Variants in SH3PXD2B observed in about 807,000 individuals in gnomAD.
SH3PXD2B encodes SH3 and PX domains 2B.
A neutral mutation model predicts 73.1 loss-of-function variants in SH3PXD2B; 37 were observed. That is an observed-to-expected ratio of 0.51 (90% CI 0.39 to 0.67). The LOEUF (loss-of-function observed/expected upper bound fraction) is 0.67, where lower values mean the gene tolerates loss of function less well. SH3PXD2B is among the 30% of genes least tolerant of loss of function. The pLI is 0.00. For synonymous variants in SH3PXD2B, 457 were observed against 480.5 expected (o/e 0.95, Z 0.64); for missense variants, 1,053 against 1,197.8 (o/e 0.88, Z 1.78).
At chr5:172,369,208 T>C (rs1015550081) in intron 6 of SH3PXD2B, among the ~76,000 whole-genome samples, 1 of 149,438 alleles carries the variant, frequency 6.7e-6, no homozygotes, top group African/African-American at 2.5e-5. Flanking sequence ...TGTTTTTATG[T>C]ATTTTTTTTG....
intron 2 of SH3PXD2B, among the ~76,000 whole-genome samples, chr5:172,415,232 A>G (rs1367533429): frequency 6.6e-6 from 1 of 152,194 alleles, no homozygotes; most frequent in African/African-American, 2.4e-5. Context: ...ACAATGAACC[A>G]GTGGGAACTC....
In SH3PXD2B at chr5:172,353,331, T is replaced by G. The variant is rs73321643; in HGVS notation, c.785+557A>C. Among the ~76,000 whole-genome samples the G allele has an allele frequency of 0.01, 1,566 of 152,278 alleles. 23 individuals carry two copies. Among genetic ancestry groups the G allele is most frequent in the African/African-American group, 0.035 (1,446 of 41,528 alleles). ...GTGATCAAGGAGGGGTTCCCAGGAC[T>G]TTCATTACTAAAACCAGGCAAGGCA... On this transcript the variant is annotated intron_variant, in intron 9 of 12. Coordinates refer to ENST00000311601, the MANE Select transcript of SH3PXD2B (RefSeq NM_001017995.3). The surrounding 1 kb of genome is among the most constrained non-coding windows in gnomAD (Gnocchi z 4.3).
intron 1 of SH3PXD2B, among the ~76,000 whole-genome samples, chr5:172,439,871 G>A (rs899967763): frequency 1.3e-5 from 2 of 152,130 alleles, no homozygotes; most frequent in Non-Finnish European, 2.9e-5. Flanking sequence ...GGAAACACTC[G>A]CTGCTCCAGG....
chr5:172,422,546 C>G, intron 1 of SH3PXD2B, 50 bp from the exon 2 acceptor site: 1 of 1,546,254 alleles, frequency 6.5e-7, no homozygotes, highest in Non-Finnish European at 8.8e-7. Flanking sequence ...GGTGGTCTCC[C>G]AATCTCTGGG....
At chr5:172,342,344 A>G (rs1756877085) in intron 12 of SH3PXD2B, among the ~76,000 whole-genome samples, 1 of 152,164 alleles carries the variant, frequency 6.6e-6, no homozygotes, top group South Asian at 2.1e-4. Context: ...CATTTTACGC[A>G]TGCAGAACGG....
At chr5:172,443,457 T>C (rs993347463) in intron 1 of SH3PXD2B, among the ~76,000 whole-genome samples, 14 of 152,198 alleles carry the variant, frequency 9.2e-5, no homozygotes, top group Non-Finnish European at 2.1e-4. Context: ...TGAACACCCC[T>C]TTGCTTTTGA....
intron 1 of SH3PXD2B, among the ~76,000 whole-genome samples, chr5:172,437,180 C>T (rs571310397): frequency 1.3e-5 from 2 of 152,158 alleles, no homozygotes; most frequent in Non-Finnish European, 2.9e-5. Flanking sequence ...AGATGGAGAG[C>T]GAGGAGAGGG....
chr5:172,361,209 A>G (rs530196604), intron 7 of SH3PXD2B, among the ~76,000 whole-genome samples: 1 of 152,322 alleles, frequency 6.6e-6, no homozygotes, highest in South Asian at 2.1e-4. Flanking sequence ...ACACACGCAC[A>G]CATACACACA....
intron 12 of SH3PXD2B, chr5:172,325,435 G>C (rs1254169633): frequency 8.2e-7 from 1 of 1,221,554 alleles, no homozygotes; most frequent in Non-Finnish European, 1.2e-6. Flanking sequence ...CCAAACGAAA[G>C]ACTAACGTGG....
chr5:172,347,820 T>C (rs551043703), intron 10 of SH3PXD2B, among the ~76,000 whole-genome samples: 1 of 152,292 alleles, frequency 6.6e-6, no homozygotes, highest in African/African-American at 2.4e-5. Flanking sequence ...ATGCAGTGAA[T>C]GTTATCTGCA....
intron 1 of SH3PXD2B, among the ~76,000 whole-genome samples, chr5:172,440,465 C>T (rs998363782): frequency 2.6e-5 from 4 of 152,160 alleles, no homozygotes; most frequent in East Asian, 1.9e-4. Context: ...ATTTAACGAG[C>T]GGGCAGGAGA....
In SH3PXD2B at chr5:172,335,661, AGG is replaced by A; in HGVS notation, c.*2706_*2707del. On this transcript the variant is annotated 3_prime_UTR_variant, in exon 13 of 13. Coordinates refer to ENST00000311601, the MANE Select transcript of SH3PXD2B (RefSeq NM_001017995.3). ...GGACACTTTCTAGAGCCATGACTCC[AGG>A]GGAGTTCTGCATATGCGCCATCAAT... The A allele has an allele frequency of 8.1e-7, 1 of 1,231,800 alleles. No individual in the cohort carries two copies. The highest frequency in any genetic ancestry group is 3.2e-5 in the East Asian group (1 of 31,708). 76.3% of individuals were successfully genotyped at this position (1,231,800 alleles called of 1,614,324 possible).
At chr5:172,342,389 C>A (rs1360160579) in intron 12 of SH3PXD2B, among the ~76,000 whole-genome samples, 1 of 152,152 alleles carries the variant, frequency 6.6e-6, no homozygotes, top group African/African-American at 2.4e-5. Context: ...ACAGCGGGTC[C>A]TGTAGAAGGG....
At chr5:172,377,011 C>T (rs1283558477) in intron 5 of SH3PXD2B, among the ~76,000 whole-genome samples, 4 of 152,198 alleles carry the variant, frequency 2.6e-5, no homozygotes, top group African/African-American at 9.7e-5. Context: ...ACAGAAAGCA[C>T]CAGCTGCCAG....
intron 12 of SH3PXD2B, among the ~76,000 whole-genome samples, chr5:172,341,731 G>A (rs529309352): frequency 7.9e-5 from 12 of 152,126 alleles, no homozygotes; most frequent in Admixed American, 3.9e-4. Flanking sequence ...GCTCACTGCA[G>A]GCTCCGCCGC....
chr5:172,424,279 A>T (rs1215032746), intron 1 of SH3PXD2B, among the ~76,000 whole-genome samples: 1 of 152,152 alleles, frequency 6.6e-6, no homozygotes, highest in African/African-American at 2.4e-5. Context: ...CAGGAGAGAG[A>T]TCTCTGAAGC....
chr5:172,339,700 G>A lies in SH3PXD2B; in HGVS notation c.1405C>T (p.Pro469Ser), dbSNP rs1425655297. ...ACACCATGCGGTGCGTCAGGCAGGG[G>A]CCGGGAGGGGCCCGTGGCTTCGCTG... ...TGSEATGPSR[P>S]LPDAPHGVMD... Residue 469 changes from proline to serine, a missense_variant, in exon 13 of 13, where the codon CCC becomes TCC. By Grantham distance (74) the Pro-to-Ser change is moderately conservative. Around this residue, in one of 2 missense-constraint regions of SH3PXD2B, gnomAD observed 587 missense variants for 590.7 expected, o/e 0.99. Coordinates refer to ENST00000311601, the MANE Select transcript of SH3PXD2B (RefSeq NM_001017995.3). This position sits in a 1 kb window ranked among gnomAD's most constrained non-coding sequence, Gnocchi z 6.1. 2.0e-5 allele frequency: 33 copies of A among 1,614,126 alleles called. No individual in the cohort carries two copies. Among genetic ancestry groups the A allele is most frequent in the Middle Eastern group, 1.6e-4 (1 of 6,084 alleles).
rs1308004094 is a variant in SH3PXD2B, at chr5:172,339,073, T to C, written c.2032A>G (p.Lys678Glu). The change falls in exon 13 of 13, where the codon AAG (lysine) becomes GAG (glutamate). Residue 678 changes from lysine (K) to glutamate (E), a missense_variant. Lys to Glu is a moderately conservative substitution (Grantham distance 56). Transcript: ENST00000311601. The surrounding 1 kb of genome is among the most constrained non-coding windows in gnomAD (Gnocchi z 6.1). ...SKLRPAKSQD[K>E]SLLDGEGPQA... is the part of the protein sequence containing the mutation. ...GGGCCCTCCCCATCCAACAAGGACT[T>C]GTCTTGGGACTTGGCAGGCCTGAGC... 8 of 1,614,200 alleles carry C rather than the reference T, an allele frequency of 5.0e-6. No individual in the cohort carries two copies. Among genetic ancestry groups the C allele is most frequent in the Non-Finnish European group, 6.8e-6 (8 of 1,180,028 alleles).
At chr5:172,345,047 A>G (rs1186860032) in intron 12 of SH3PXD2B, among the ~76,000 whole-genome samples, 2 of 149,718 alleles carry the variant, frequency 1.3e-5, no homozygotes, top group African/African-American at 2.5e-5. Context: ...GAAGGGAAGG[A>G]AAACAAAGGA....
Sources: gnomAD v4.1 joint callset for allele counts (sites outside exome capture counted in the v4.1 genomes callset) on GRCh38, gnomAD v4.1.1 for gene constraint, gnomAD v4.1.1 regional missense constraint, Gnocchi (gnomAD v3.1) non-coding constraint, MANE v1.5 for transcripts, NCBI Gene and HGNC (gene_info 2026-07-23, HGNC 2026-07-21) for gene names.